Variants in AGTPBP1 observed in about 807,000 individuals in gnomAD.
AGTPBP1 encodes the protein cytosolic carboxypeptidase 1.
In AGTPBP1, 70 loss-of-function variants were observed where a neutral mutation model predicts 143.9. The ratio of observed to expected loss-of-function variants is 0.49; its 90% CI spans 0.40 to 0.59. The LOEUF (loss-of-function observed/expected upper bound fraction) is 0.59, where lower values mean the gene tolerates loss of function less well. AGTPBP1 is among the 20% of genes least tolerant of loss of function. The pLI, the probability that AGTPBP1 is intolerant of heterozygous loss-of-function variation, is 0.00. For synonymous variants in AGTPBP1, 463 were observed against 500.2 expected, an observed-to-expected ratio of 0.93 and a Z score of 0.99; for missense variants, 1,229 against 1,464.5, an observed-to-expected ratio of 0.84 and a Z score of 2.62.
intron 14 of AGTPBP1, among the ~76,000 whole-genome samples, chr9:85,621,530 A>T (rs1015864425): frequency 6.7e-5 from 5 of 74,896 alleles, no homozygotes; most frequent in Admixed American, 3.3e-4. Flanking sequence ...CCAATCATTT[A>T]AAAAAAAAAA....
At chr9:85,762,981 C>G in the AGTPBP1 span, among the ~76,000 whole-genome samples, 1 of 151,394 alleles carries the variant, frequency 6.6e-6, no homozygotes, top group East Asian at 1.9e-4. Context: ...CTGAAAGCAT[C>G]TAGACAAAAA....
chr9:85,741,592 G>A lies in AGTPBP1; in HGVS notation c.-34+183C>T, dbSNP rs1033494608. The stretch of plus-strand genomic sequence containing the variant: ...CCACCCCGTCAGGGCTTTCCCTCAA[G>A]ACCGAGTGCGTTCCCCTCACGCGTC... On this transcript the variant is annotated intron_variant, in intron 1 of 25. Transcript: ENST00000357081. The A allele has an allele frequency of 5.1e-6, 5 of 985,304 alleles. No individual in the cohort carries two copies. The East Asian group carries it at 5.7e-4, about 112-fold the overall frequency. The allele number at this position is 985,304 out of a possible 1,614,324, so 61.0% of individuals were successfully genotyped here. A position where few individuals can be genotyped will look rare whatever the true frequency, so the allele number is the denominator to read the frequency against.
At chr9:85,792,986 A>G in the AGTPBP1 span, among the ~76,000 whole-genome samples, 1 of 152,162 alleles carries the variant, frequency 6.6e-6, no homozygotes, top group African/African-American at 2.4e-5. Context: ...CAAATTCCCA[A>G]TTTTAGTTAT....
At chr9:85,779,539 G>T in the AGTPBP1 span, among the ~76,000 whole-genome samples, 15 of 152,108 alleles carry the variant, frequency 9.9e-5, no homozygotes, top group African/African-American at 3.6e-4. Context: ...GTTCTCACCA[G>T]ATTAAGGGTG....
chr9:85,645,324 A>G (rs940706106), intron 12 of AGTPBP1, among the ~76,000 whole-genome samples: 1 of 152,146 alleles, frequency 6.6e-6, no homozygotes, highest in East Asian at 1.9e-4. Flanking sequence ...TAACAACTAC[A>G]TTTTCCAAAG....
chr9:85,639,012 T>C (rs992740467), intron 13 of AGTPBP1, among the ~76,000 whole-genome samples: 1 of 152,110 alleles, frequency 6.6e-6, no homozygotes, highest in Non-Finnish European at 1.5e-5. Context: ...TAGAATTCTT[T>C]TCAAACACAT....
intron 17 of AGTPBP1, among the ~76,000 whole-genome samples, chr9:85,614,568 T>C (rs62566931): frequency 0.017 from 2,520 of 152,154 alleles, 29 homozygotes; most frequent in Middle Eastern, 0.054. Flanking sequence ...TTTAATCCAA[T>C]GGAAATTTTT....
intron 10 of AGTPBP1, 131 bp from the exon 11 acceptor site, chr9:85,655,451 C>T: frequency 1.3e-6 from 1 of 779,026 alleles, no homozygotes; most frequent in Non-Finnish European, 1.9e-6. Context: ...AATATTTTAA[C>T]ACAGAATAAT....
intron 1 of AGTPBP1, among the ~76,000 whole-genome samples, chr9:85,728,897 T>A (rs1057104714): frequency 6.6e-6 from 1 of 152,228 alleles, no homozygotes; most frequent in Non-Finnish European, 1.5e-5. Context: ...TTGTCAATAA[T>A]TTTCATGGTA....
chr9:85,754,285 G>A, the AGTPBP1 span, among the ~76,000 whole-genome samples: 2 of 151,520 alleles, frequency 1.3e-5, no homozygotes, highest in African/African-American at 2.4e-5. Flanking sequence ...TCCGCCTCCC[G>A]GGTTCACACC....
upstream of AGTPBP1, chr9:85,742,114 T>G (rs895122411): frequency 3.4e-6 from 3 of 889,864 alleles, no homozygotes; most frequent in East Asian, 6.2e-5. Flanking sequence ...GTTACCTCCG[T>G]GCGCGCTGCG....
chr9:85,782,094 T>C, the AGTPBP1 span, among the ~76,000 whole-genome samples: 96 of 152,340 alleles, frequency 6.3e-4, no homozygotes, highest in Non-Finnish European at 9.0e-4. Context: ...GACTTTAAAA[T>C]CTTTTAGGCA....
At chr9:85,656,521 G>T (rs1256684342) in intron 10 of AGTPBP1, among the ~76,000 whole-genome samples, 1 of 152,088 alleles carries the variant, frequency 6.6e-6, no homozygotes, top group Non-Finnish European at 1.5e-5. Context: ...TGTTTGTCAT[G>T]TGTGAGACCA....
chr9:85,668,674 T>C (rs889015891), intron 8 of AGTPBP1, among the ~76,000 whole-genome samples: 2 of 151,732 alleles, frequency 1.3e-5, no homozygotes, highest in African/African-American at 4.8e-5. Flanking sequence ...TTCTTAAAAG[T>C]ACCCCAGGAA....
chr9:85,629,282 T>C (rs1189622610), intron 14 of AGTPBP1, among the ~76,000 whole-genome samples: 4 of 152,180 alleles, frequency 2.6e-5, no homozygotes, highest in Non-Finnish European at 5.9e-5. Context: ...TGCCCTAATA[T>C]ATGGAAGAAG....
intron 2 of AGTPBP1, among the ~76,000 whole-genome samples, chr9:85,697,457 T>G (rs868622101): frequency 0.018 from 2,407 of 134,702 alleles, 37 homozygotes; most frequent in Middle Eastern, 0.054. Flanking sequence ...TTTTTTTTTT[T>G]TTTTTTTTTT....
intron 7 of AGTPBP1, among the ~76,000 whole-genome samples, chr9:85,671,898 T>C (rs893695062): frequency 6.6e-6 from 1 of 152,204 alleles, no homozygotes; most frequent in Non-Finnish European, 1.5e-5. Context: ...CCTTTCCTTC[T>C]AGGCTTTCTC....
intron 1 of AGTPBP1, among the ~76,000 whole-genome samples, chr9:85,723,405 A>T (rs1327846160): frequency 1.3e-5 from 2 of 152,120 alleles, no homozygotes; most frequent in East Asian, 3.9e-4. Context: ...GCAATGGCGG[A>T]CGCCCCTCCC....
rs547751346 is a variant in AGTPBP1, at chr9:85,611,856, A to G, written c.2335+7127T>C. Among the ~76,000 whole-genome samples, 9 of 152,040 alleles carry G rather than the reference A, an allele frequency of 5.9e-5. No homozygotes were observed. In the South Asian group the frequency reaches 1.2e-3, roughly 21 times the overall value. ...CCACCAAGCCTGGTTAATTTTTTGT[A>G]TTTTTAGTAGAGATGGGGTTTCACC... On this transcript the variant is annotated intron_variant, in intron 17 of 25. Coordinates refer to ENST00000357081, the MANE Select transcript of AGTPBP1 (RefSeq NM_001330701.2).
Sources: gnomAD v4.1 joint callset for allele counts (sites outside exome capture counted in the v4.1 genomes callset) on GRCh38, gnomAD v4.1.1 for gene constraint, MANE v1.5 for transcripts, NCBI Gene and HGNC (gene_info 2026-07-23, HGNC 2026-07-21) for gene names.